Variants in TLK1 observed in about 807,000 individuals in gnomAD.
TLK1 encodes tousled like kinase 1.
A neutral mutation model predicts 105.3 loss-of-function variants in TLK1; 24 were observed. The observed-to-expected ratio is 0.23, with a 90% CI of 0.17 to 0.32. TLK1 has a LOEUF of 0.32. TLK1 is among the 10% of genes least tolerant of loss of function. The pLI is 1.00. For missense variants in TLK1, 558 were observed against 910.5 expected (o/e 0.61, Z 4.98); for synonymous variants, 321 against 310.4 (o/e 1.03, Z -0.36).
intron 1 of TLK1, among the ~76,000 whole-genome samples, chr2:171,214,499 G>T (rs558804619): frequency 1.6e-4 from 25 of 152,290 alleles, no homozygotes; most frequent in African/African-American, 5.8e-4. Flanking sequence ...TGCCAGGTGT[G>T]TTAAATTGAT....
intron 1 of TLK1, among the ~76,000 whole-genome samples, chr2:171,217,359 T>A (rs1291695368): frequency 2.0e-5 from 3 of 152,178 alleles, no homozygotes; most frequent in African/African-American, 7.2e-5. Flanking sequence ...GGAGGTATTA[T>A]TACTGAAGTT....
At chr2:171,045,136 A>C (rs1686885646) in intron 11 of TLK1, 1 of 151,984 alleles carries the variant, frequency 6.6e-6, no homozygotes, top group South Asian at 2.1e-4. Context: ...ACAGGTGTGG[A>C]TGGGATTCAA....
intron 18 of TLK1, among the ~76,000 whole-genome samples, chr2:170,999,776 T>C (rs1480803154): frequency 6.6e-6 from 1 of 152,172 alleles, no homozygotes; most frequent in Non-Finnish European, 1.5e-5. Flanking sequence ...TTATTTTTTT[T>C]TGAGACCGGG....
chr2:171,030,304 T>C (rs1685978181), intron 11 of TLK1, among the ~76,000 whole-genome samples: 1 of 104,846 alleles, frequency 9.5e-6, no homozygotes, highest in African/African-American at 2.7e-5. Context: ...ACCCGCAACA[T>C]CTTAAGAGCC....
At position 171,002,287 on chromosome 2, in the gene TLK1, C is replaced by T. The variant is rs532383555; in HGVS notation, c.1904+3860G>A. On this transcript the variant is annotated intron_variant, in intron 18 of 20. Coordinates refer to ENST00000431350, the MANE Select transcript of TLK1 (RefSeq NM_012290.5). Reference sequence around the variant, plus strand: ...TTTTTTTTTACTTTTGAGACAGAGTCTGGCTCTGTCACCCAGGCTGGAGTG... The same window carrying T: ...TTTTTTTTTACTTTTGAGACAGAGTTTGGCTCTGTCACCCAGGCTGGAGTG... Among the ~76,000 whole-genome samples, 3 of 152,072 alleles carry T rather than the reference C, an allele frequency of 2.0e-5. No homozygotes were observed. The East Asian group carries it at 5.8e-4, about 30-fold the overall frequency.
At chr2:170,996,550 G>T in intron 20 of TLK1, 103 bp downstream of exon 20, 2 of 857,322 alleles carry the variant, frequency 2.3e-6, no homozygotes, top group Non-Finnish European at 3.6e-6. Context: ...CCCTGCAGCA[G>T]CGAGTCTTGT....
intron 1 of TLK1, among the ~76,000 whole-genome samples, chr2:171,199,710 A>C (rs749675070): frequency 6.6e-5 from 10 of 152,170 alleles, no homozygotes; most frequent in Non-Finnish European, 1.3e-4. Flanking sequence ...AAAACTTTTC[A>C]ATTATGGAGG....
intron 1 of TLK1, among the ~76,000 whole-genome samples, chr2:171,155,357 T>C (rs1276146124): frequency 3.3e-5 from 5 of 152,162 alleles, no homozygotes; most frequent in African/African-American, 9.7e-5. Flanking sequence ...TTAAGCTTAT[T>C]ATATTTCACA....
At chr2:171,167,635 A>C (rs1692633123) in intron 1 of TLK1, among the ~76,000 whole-genome samples, 1 of 152,328 alleles carries the variant, frequency 6.6e-6, no homozygotes, top group South Asian at 2.1e-4. Flanking sequence ...CAGTGATGGA[A>C]ATGTTTTCTC....
At chr2:170,997,941 C>G (rs953020505) in intron 18 of TLK1, 118 bp from the exon 19 acceptor site, 25 of 526,220 alleles carry the variant, frequency 4.8e-5, no homozygotes, top group African/African-American at 4.0e-4. Context: ...GGACTCCCAT[C>G]AGTGAAAATC....
At chr2:171,202,680 C>T (rs999508481) in intron 1 of TLK1, among the ~76,000 whole-genome samples, 8 of 152,068 alleles carry the variant, frequency 5.3e-5, no homozygotes, top group Non-Finnish European at 1.2e-4. Context: ...TGGCTTGAAT[C>T]GGGGAGGCAG....
At chr2:171,047,899 T>C (rs1687035106) in intron 10 of TLK1, among the ~76,000 whole-genome samples, 1 of 152,208 alleles carries the variant, frequency 6.6e-6, no homozygotes, top group Non-Finnish European at 1.5e-5. Flanking sequence ...CAGTAGGTCC[T>C]CAATAAATGC....
intron 1 of TLK1, chr2:171,155,466 T>G (rs1024978884): frequency 6.6e-6 from 1 of 152,004 alleles, no homozygotes; most frequent in Non-Finnish European, 1.5e-5. Flanking sequence ...AAAATAGTAA[T>G]AAAGTCAACA....
At chr2:171,219,375 G>A (rs563812123) in intron 1 of TLK1, among the ~76,000 whole-genome samples, 50 of 152,226 alleles carry the variant, frequency 3.3e-4, no homozygotes, top group African/African-American at 1.2e-3. Flanking sequence ...GTCTCCCTCT[G>A]TCTCTCTCTG....
chr2:171,138,309 A>G (rs991379387), intron 1 of TLK1, among the ~76,000 whole-genome samples: 11 of 152,220 alleles, frequency 7.2e-5, no homozygotes, highest in African/African-American at 2.7e-4. Flanking sequence ...ACAACGACAT[A>G]TTTAATATAT....
At chr2:171,159,981 G>C (rs1486927788) in intron 1 of TLK1, among the ~76,000 whole-genome samples, 2 of 152,082 alleles carry the variant, frequency 1.3e-5, no homozygotes, top group East Asian at 1.9e-4. Context: ...GCTCGCGTCT[G>C]GGGGGAGGCT....
intron 1 of TLK1, among the ~76,000 whole-genome samples, chr2:171,125,173 T>C (rs1690817549): frequency 6.6e-6 from 1 of 152,222 alleles, no homozygotes; most frequent in Non-Finnish European, 1.5e-5. Context: ...CTTATTTTGG[T>C]GGCAGCCTCA....
At chr2:171,148,016 G>A (rs1253620662) in intron 1 of TLK1, among the ~76,000 whole-genome samples, 6 of 151,716 alleles carry the variant, frequency 4.0e-5, no homozygotes, top group African/African-American at 1.2e-4. Context: ...TCAGCCTCCC[G>A]AGTAGCTGGG....
chr2:171,160,415 C>T lies in TLK1; in HGVS notation c.14G>A (p.Ser5Asn). The change falls in exon 1 of 21, where the codon AGT (serine) becomes AAT (asparagine). Residue 5 changes from serine to asparagine, a missense_variant. Physicochemically the swap from Ser to Asn is conservative, Grantham distance 46 (BLOSUM62 1). Around this residue, in one of 5 missense-constraint regions of TLK1, gnomAD observed 104 missense variants for 116.0 expected, o/e 0.90. Transcript: ENST00000431350. This position sits in a 1 kb window ranked among gnomAD's most constrained non-coding sequence, Gnocchi z 4.4. ...CGGCCCCTCCAAACTTCCACTGCTA[C>T]TTTGGACACTCATCAAGCTACTTTC... is the stretch of plus-strand genomic sequence containing the variant. The part of the protein sequence containing the change: MSVQ[S>N]SSGSLEGPPS... 1 of 1,603,756 alleles carries T rather than the reference C, an allele frequency of 6.2e-7. No homozygotes were observed. Among genetic ancestry groups the T allele is most frequent in the Non-Finnish European group, 8.5e-7 (1 of 1,175,644 alleles).
Sources: allele counts gnomAD v4.1 joint callset (sites outside exome capture counted in the v4.1 genomes callset), GRCh38; gene constraint gnomAD v4.1.1; regional missense constraint gnomAD v4.1.1; non-coding constraint Gnocchi (gnomAD v3.1); transcripts MANE v1.5; gene names NCBI Gene and HGNC (gene_info 2026-07-23, HGNC 2026-07-21).